YEATS2: variants seen among roughly 807,000 people sequenced by gnomAD.
The protein encoded by YEATS2 is YEATS domain containing 2.
A neutral mutation model predicts 163.2 loss-of-function variants in YEATS2; 77 were observed. The ratio of observed to expected loss-of-function variants is 0.47; its 90% CI spans 0.39 to 0.57. The LOEUF is 0.57. YEATS2 is among the 20% of genes least tolerant of loss of function. The pLI, the probability that YEATS2 is intolerant of heterozygous loss-of-function variation, is 0.00. For synonymous variants in YEATS2, 631 were observed against 645.1 expected (o/e 0.98, Z 0.33); for missense variants, 1,549 against 1,729.8 (o/e 0.90, Z 1.85).
At chr3:183,807,885 C>G (rs1269142757) in intron 28 of YEATS2, 145 bp from the exon 29 acceptor site, 1 of 599,030 alleles carries the variant, frequency 1.7e-6, no homozygotes, top group Non-Finnish European at 3.0e-6. Flanking sequence ...TTCCGTGTTC[C>G]TTTCCCGTGA....
At position 183,762,409 on chromosome 3, in the gene YEATS2, G is replaced by A. The variant is rs183225160; in HGVS notation, c.1947+130G>A. 890 of 1,153,010 alleles carry A rather than the reference G, an allele frequency of 7.7e-4. 11 individuals carry two copies. The African/African-American group carries it at 0.013, about 17-fold the overall frequency. The allele number at this position is 1,153,010 out of a possible 1,614,324, so 71.4% of individuals were successfully genotyped here. On this transcript the variant is annotated intron_variant, in intron 15 of 30. Transcript: ENST00000305135. ...ATAAGAACCTGTGGGTGAAAGCCTAGTTGGAAAAACAAGTCTGTTGGTGTG... is the reference window on the plus strand; with the variant it reads ...ATAAGAACCTGTGGGTGAAAGCCTAATTGGAAAAACAAGTCTGTTGGTGTG...
At chr3:183,795,126 C>T (rs114148256) in intron 21 of YEATS2, among the ~76,000 whole-genome samples, 6,101 of 148,632 alleles carry the variant, frequency 0.041, 372 homozygotes, top group African/African-American at 0.14. Context: ...CATGATTGCT[C>T]GCATCACTGC....
In YEATS2 at chr3:183,773,690, C is replaced by T; in HGVS notation, c.2264C>T (p.Pro755Leu). ...TTGGCCAACTTGGCAAATTTGCCTC[C>T]TGGCACTAAACTCTACCTAACTACA... is the stretch of plus-strand genomic sequence containing the variant. The part of the protein sequence containing the change: ...TNLANLANLP[P>L]GTKLYLTTNS... The change falls in exon 17 of 31, where the codon CCT becomes CTT. Residue 755 changes from proline to leucine, a missense_variant. Pro to Leu is a moderately conservative substitution (Grantham distance 98). Coordinates refer to ENST00000305135, the MANE Select transcript of YEATS2 (RefSeq NM_018023.5). 1 of 1,612,420 alleles carries T rather than the reference C, an allele frequency of 6.2e-7. No individual in the cohort carries two copies. The highest frequency in any genetic ancestry group is 8.5e-7 in the Non-Finnish European group (1 of 1,179,510).
intron 28 of YEATS2, 35 bp downstream of exon 28, chr3:183,807,127 A>G: frequency 6.4e-7 from 1 of 1,573,258 alleles, no homozygotes; most frequent in African/African-American, 1.3e-5. Flanking sequence ...CATGCAGCAG[A>G]CCAGCTCAGA....
intron 17 of YEATS2, among the ~76,000 whole-genome samples, chr3:183,775,140 C>G (rs1216142298): frequency 1.3e-5 from 2 of 152,044 alleles, no homozygotes; most frequent in Non-Finnish European, 2.9e-5. Context: ...AGAATGGGGT[C>G]CTGGAGTCAT....
chr3:183,753,937 T>A (rs1033317044), intron 10 of YEATS2, among the ~76,000 whole-genome samples, 189 bp from the exon 11 acceptor site: 2 of 152,208 alleles, frequency 1.3e-5, no homozygotes, highest in Non-Finnish European at 2.9e-5. Context: ...AAAAGCACTT[T>A]AAACATTATT....
chr3:183,797,877 G>T lies in YEATS2; in HGVS notation c.3098-46G>T. 2.5e-6 allele frequency: 4 copies of T among 1,610,750 alleles called. No individual in the cohort carries two copies. In the South Asian group the frequency reaches 3.3e-5, roughly 13 times the overall value. ...AGCACAGAGGATAAGAGACTTTCCC[G>T]AAGCACCTGACCTTCAACTTGGCTT... On this transcript the variant is annotated intron_variant, in intron 21 of 30. Transcript: ENST00000305135.
In YEATS2 at chr3:183,799,957, T is replaced by C. The variant is rs560587223; in HGVS notation, c.3326-509T>C. 4.0e-5 allele frequency among the ~76,000 whole-genome samples: 6 copies of C among 151,384 alleles called. 1 individual carries two copies. In the South Asian group the frequency reaches 8.4e-4, roughly 21 times the overall value. On this transcript the variant is annotated intron_variant, in intron 23 of 30. Coordinates refer to ENST00000305135, the MANE Select transcript of YEATS2 (RefSeq NM_018023.5). The stretch of plus-strand genomic sequence containing the variant: ...ACGCCATTCTCCTGCCTCAGCCTCC[T>C]GAGTAGCTGGGACTACAGGCGCCCG...
In YEATS2 at chr3:183,786,268, C is replaced by T. The variant is rs2108459385; in HGVS notation, c.2880C>T (p.Ala960=). Residue 960 remains alanine (A), a synonymous_variant, in exon 20 of 31, where the codon GCC becomes GCT. Transcript: ENST00000305135. The part of the protein sequence containing the change: ...GGVITTATSP[A]VALSANGPAQ... ...TTATCACAACTGCCACTTCCCCTGCCGTGGCCCTCTCAGCAAACGGTCCTG... is the reference window on the plus strand; with the variant it reads ...TTATCACAACTGCCACTTCCCCTGCTGTGGCCCTCTCAGCAAACGGTCCTG... The T allele has an allele frequency of 5.6e-6, 9 of 1,613,848 alleles. No individual in the cohort carries two copies. The highest frequency in any genetic ancestry group is 1.3e-5 in the African/African-American group (1 of 75,030).
intron 1 of YEATS2, among the ~76,000 whole-genome samples, chr3:183,711,313 CA>C (rs1428127215): frequency 0.014 from 2,041 of 147,656 alleles, 45 homozygotes; most frequent in African/African-American, 0.048. Flanking sequence ...CACAAAAATA[CA>C]AAAAAAAAAT....
rs1721017994 is a variant in YEATS2 at position 183,758,660 on chromosome 3, T to G, written c.1553-202T>G. 2.0e-5 allele frequency among the ~76,000 whole-genome samples: 3 copies of G among 151,832 alleles called. No individual in the cohort carries two copies. The Admixed American group carries it at 2.0e-4, about 10-fold the overall frequency. On this transcript the variant is annotated intron_variant, in intron 12 of 30. Transcript: ENST00000305135. The stretch of plus-strand genomic sequence containing the variant: ...TGTCCTTACCAGCTTCTTACCTTCT[T>G]CAGGTTGAGCATGAGATCAGCTTCA...
chr3:183,748,898 C>T (rs1426402151), intron 9 of YEATS2, among the ~76,000 whole-genome samples: 2 of 152,072 alleles, frequency 1.3e-5, no homozygotes, highest in African/African-American at 4.8e-5. Flanking sequence ...TGCGCCCAGC[C>T]TTGGTTCATA....
At chr3:183,789,553 T>TTTTTTTTTTTA (rs1491315070) in intron 20 of YEATS2, among the ~76,000 whole-genome samples, 1 of 118,002 alleles carries the variant, frequency 8.5e-6, no homozygotes, top group Non-Finnish European at 1.7e-5. Flanking sequence ...TTTTTTTTTT[T>TTTTTTTTTTTA]GAGACAGAGT....
At chr3:183,786,578 C>T (rs1047278487) in intron 20 of YEATS2, among the ~76,000 whole-genome samples, 8 of 152,206 alleles carry the variant, frequency 5.3e-5, no homozygotes, top group African/African-American at 9.7e-5. Context: ...TCAGCAGTCA[C>T]TCCCATTCCA....
chr3:183,768,327 G>A (rs78547248), intron 15 of YEATS2, among the ~76,000 whole-genome samples: 1,680 of 152,256 alleles, frequency 0.011, 33 homozygotes, highest in African/African-American at 0.038. Context: ...CCCGAAAGTC[G>A]CTCTCACTTC....
Position 183,776,030 on chromosome 3 carries a change from A to G in YEATS2, c.2484A>G (p.Gly828=). The G allele has an allele frequency of 6.2e-7, 1 of 1,611,650 alleles. No homozygotes were observed. The highest frequency in any genetic ancestry group is 1.1e-5 in the South Asian group (1 of 91,020). ...GCGGCAGCACAGGAGGAGGAGGAGG[A>G]ACAGCAGGAGGAGGAACTCAAAGTA... ...GGGGSTGGGG[G]TAGGGTQSTA... The change falls in exon 18 of 31, where the codon GGA becomes GGG. Residue 828 remains glycine, a synonymous_variant. Transcript: ENST00000305135.
chr3:183,752,922 C>G (rs1471009043), intron 10 of YEATS2, among the ~76,000 whole-genome samples: 4 of 151,640 alleles, frequency 2.6e-5, no homozygotes, highest in African/African-American at 7.3e-5. Context: ...CTCAGCCTCC[C>G]TGTTAGCTAG....
At chr3:183,791,616 A>AT (rs1305531835) in intron 21 of YEATS2, among the ~76,000 whole-genome samples, 1 of 152,180 alleles carries the variant, frequency 6.6e-6, no homozygotes, top group Non-Finnish European at 1.5e-5. Context: ...TAAAGTACTA[A>AT]TTTCTTTTTT....
intron 19 of YEATS2, among the ~76,000 whole-genome samples, chr3:183,781,672 TATA>T (rs1223055433): frequency 6.6e-6 from 1 of 152,136 alleles, no homozygotes; most frequent in Non-Finnish European, 1.5e-5. Flanking sequence ...TCCTTAAAGA[TATA>T]ATAAAATAAT....
Sources: gnomAD v4.1 joint callset for allele counts (sites outside exome capture counted in the v4.1 genomes callset) on GRCh38, gnomAD v4.1.1 for gene constraint, MANE v1.5 for transcripts, NCBI Gene and HGNC (gene_info 2026-07-23, HGNC 2026-07-21) for gene names.